The following FBXW10B variants were observed in gnomAD, a reference collection of about 807,000 sequenced individuals.
FBXW10B encodes the protein F-box and WD repeat domain containing protein 10B.
At chr17:15,571,249 G>A in the FBXW10B span, among the ~76,000 whole-genome samples, 1 of 151,966 alleles carries the variant, frequency 6.6e-6, no homozygotes, top group South Asian at 2.1e-4. Context: ...GGAGGCTGAG[G>A]AGGGAGGATC....
chr17:15,619,653 G>A, the FBXW10B span: 2 of 1,499,332 alleles, frequency 1.3e-6, no homozygotes, highest in Admixed American at 4.6e-5. Flanking sequence ...AAAAGTAAAT[G>A]GCTGCCATGG....
At chr17:15,615,950 T>C in the FBXW10B span, 39 of 1,341,374 alleles carry the variant, frequency 2.9e-5, no homozygotes, top group South Asian at 3.1e-5. Context: ...CTGTTTTTAT[T>C]TGGGGCCTCC....
the FBXW10B span, among the ~76,000 whole-genome samples, chr17:15,585,543 C>T: frequency 0.48 from 73,015 of 151,934 alleles, 19,556 homozygotes; most frequent in Middle Eastern, 0.62. Flanking sequence ...AACAAAAAGA[C>T]GGCAGAAGGA....
chr17:15,604,007 G>C, the FBXW10B span, among the ~76,000 whole-genome samples: 6 of 145,330 alleles, frequency 4.1e-5, no homozygotes, highest in African/African-American at 1.5e-4. Context: ...GTGAACCTGG[G>C]AGGCGGAGCT....
At chr17:15,612,971 G>C in the FBXW10B span, 3 of 979,396 alleles carry the variant, frequency 3.1e-6, no homozygotes, top group African/African-American at 5.0e-5. Flanking sequence ...CTTCTGGCCA[G>C]TTCCTCTGGC....
the FBXW10B span, among the ~76,000 whole-genome samples, chr17:15,587,926 AG>A: frequency 6.6e-6 from 1 of 152,216 alleles, no homozygotes; most frequent in South Asian, 2.1e-4. Flanking sequence ...GGCTTCTGCT[AG>A]GAGAAGGCAG....
At chr17:15,602,105 C>T in the FBXW10B span, among the ~76,000 whole-genome samples, 647 of 140,646 alleles carry the variant, frequency 4.6e-3, 1 homozygote, top group Middle Eastern at 0.024. Flanking sequence ...GAGCGAGACT[C>T]CGTCTTAAAA....
the FBXW10B span, among the ~76,000 whole-genome samples, chr17:15,567,114 A>G: frequency 2.6e-5 from 4 of 151,454 alleles, no homozygotes; most frequent in Non-Finnish European, 5.9e-5. Context: ...TACTAAAAAT[A>G]CAAAAAAATT....
chr17:15,596,236 T>C, the FBXW10B span, among the ~76,000 whole-genome samples: 1 of 152,034 alleles, frequency 6.6e-6, no homozygotes, highest in African/African-American at 2.4e-5. Flanking sequence ...CCTCCACTGC[T>C]GTTAGAAGGC....
the FBXW10B span, among the ~76,000 whole-genome samples, chr17:15,579,438 A>T: frequency 1.3e-5 from 2 of 152,200 alleles, no homozygotes; most frequent in Non-Finnish European, 2.9e-5. Flanking sequence ...AGACATTTTC[A>T]AAACAGTTTT....
At chr17:15,605,590 G>A in the FBXW10B span, 1 of 915,346 alleles carries the variant, frequency 1.1e-6, no homozygotes, top group Admixed American at 6.2e-5. Context: ...AGGCTCTGAG[G>A]GATCCCCACT....
chr17:15,610,664 T>C, the FBXW10B span, among the ~76,000 whole-genome samples: 3 of 152,180 alleles, frequency 2.0e-5, no homozygotes, highest in South Asian at 4.1e-4. Flanking sequence ...TTCATGAGAC[T>C]AGAAAGGGAC....
chr17:15,583,423 C>T, the FBXW10B span, among the ~76,000 whole-genome samples: 2 of 147,834 alleles, frequency 1.4e-5, no homozygotes, highest in Non-Finnish European at 3.0e-5. Flanking sequence ...CCCTGCTGTG[C>T]CACACATGCT....
the FBXW10B span, among the ~76,000 whole-genome samples, chr17:15,566,855 C>T: frequency 6.6e-6 from 1 of 151,734 alleles, no homozygotes; most frequent in African/African-American, 2.4e-5. Context: ...TGAGCCACCA[C>T]AGCCGGCCAA....
the FBXW10B span, among the ~76,000 whole-genome samples, chr17:15,616,123 T>G: frequency 6.6e-6 from 1 of 152,022 alleles, no homozygotes. Context: ...TCTTCAATGA[T>G]AGAAATAACC....
the FBXW10B span, chr17:15,571,802 A>G: frequency 1.3e-5 from 2 of 152,394 alleles, no homozygotes; most frequent in South Asian, 4.1e-4. Flanking sequence ...TAAAAGGAAC[A>G]AACCACTGGT....
the FBXW10B span, among the ~76,000 whole-genome samples, chr17:15,600,547 A>G: frequency 1.3e-5 from 2 of 149,626 alleles, no homozygotes; most frequent in Non-Finnish European, 3.0e-5. Flanking sequence ...GAAAAGAAGG[A>G]ACTTTCCAGA....
the FBXW10B span, chr17:15,598,633 C>T: frequency 1.9e-6 from 3 of 1,612,410 alleles, no homozygotes; most frequent in East Asian, 2.2e-5. Flanking sequence ...TGTGCAAACC[C>T]CACTTTTCAG....
chr17:15,601,127 T>C, the FBXW10B span, among the ~76,000 whole-genome samples: 1 of 148,978 alleles, frequency 6.7e-6, no homozygotes, highest in South Asian at 2.1e-4. Context: ...AACCAATTAT[T>C]GGCCAGGTGC....
Sources: allele counts gnomAD v4.1 joint callset (sites outside exome capture counted in the v4.1 genomes callset), GRCh38; gene constraint gnomAD v4.1.1; transcripts MANE v1.5; gene names NCBI Gene and HGNC (gene_info 2026-07-23, HGNC 2026-07-21).